PRICKLE2: variants seen among roughly 807,000 people sequenced by gnomAD.
The protein encoded by PRICKLE2 is prickle-like protein 2.
PRICKLE2 carries 21 observed loss-of-function variants against 81.4 expected under a neutral mutation model. The ratio of observed to expected loss-of-function variants is 0.26; its 90% confidence interval spans 0.18 to 0.37. PRICKLE2 has a LOEUF of 0.37. Ranked by LOEUF, PRICKLE2 falls within the 10% of genes least tolerant of loss-of-function variation. PRICKLE2 has a pLI of 1.00. For missense variants in PRICKLE2, 940 were observed against 1,109.0 expected, an observed-to-expected ratio of 0.85 and a Z score of 2.16; for synonymous variants, 456 against 421.5, an observed-to-expected ratio of 1.08 and a Z score of -1.00.
rs546789345 is a variant in PRICKLE2, at chr3:64,152,697, C to T, written c.787+485G>A. On this transcript the variant is annotated intron_variant, in intron 6 of 7. Transcript: ENST00000638394. ...ATGGAAGATATCTGTTTAGATTTTC[C>T]TTCTGAGCTTCCCCCACTGCCCTGA... Among the ~76,000 whole-genome samples, 11 of 152,188 alleles carry T rather than the reference C, an allele frequency of 7.2e-5. 1 individual carries two copies. In the South Asian group the frequency reaches 2.3e-3, roughly 32 times the overall value.
chr3:64,133,344 C>G (rs145356775), intron 7 of PRICKLE2, among the ~76,000 whole-genome samples: 1 of 152,014 alleles, frequency 6.6e-6, no homozygotes, highest in Non-Finnish European at 1.5e-5. Flanking sequence ...AGGCCGGGTT[C>G]GAATTTTTCT....
At chr3:64,229,273 C>G (rs1463726145), upstream of PRICKLE2, among the ~76,000 whole-genome samples, 1 of 152,148 alleles carries the variant, frequency 6.6e-6, no homozygotes, top group African/African-American at 2.4e-5. Context: ...TTCTAGCCAG[C>G]TTTAGGCAGC....
intron 7 of PRICKLE2, among the ~76,000 whole-genome samples, chr3:64,133,621 G>A (rs1220491539): frequency 1.3e-5 from 2 of 152,176 alleles, no homozygotes; most frequent in African/African-American, 4.8e-5. Context: ...CAGGAAGGCT[G>A]AGCTCTGTGA....
chr3:64,189,392 G>T (rs575150443), intron 2 of PRICKLE2, among the ~76,000 whole-genome samples: 1 of 152,270 alleles, frequency 6.6e-6, no homozygotes, highest in Admixed American at 6.5e-5. Context: ...GACTCATGCT[G>T]TTCCCCTCCT....
intron 7 of PRICKLE2, chr3:64,106,174 C>T (rs533236393): frequency 6.6e-6 from 1 of 152,290 alleles, no homozygotes; most frequent in Admixed American, 6.5e-5. Flanking sequence ...ATTTACAACT[C>T]ATACTGATGA....
chr3:64,094,483 A>G lies in PRICKLE2; in HGVS notation c.*4568T>C, dbSNP rs1478666207. On this transcript the variant is annotated 3_prime_UTR_variant, in exon 8 of 8. Transcript: ENST00000638394. The stretch of plus-strand genomic sequence containing the variant: ...GGATTCATCGTATTCAAAACACAGG[A>G]ATGTTTTCCTAACACTATGTGACTT... 6.6e-6 allele frequency: 1 copy of G among 152,202 alleles called. No homozygotes were observed. The highest frequency in any genetic ancestry group is 6.5e-5 in the Admixed American group (1 of 15,280). The allele number at this position is 152,202 out of a possible 1,614,324, so 9.4% of individuals were successfully genotyped here.
At chr3:64,198,068 C>T (rs762884324) in intron 2 of PRICKLE2, among the ~76,000 whole-genome samples, 5 of 151,524 alleles carry the variant, frequency 3.3e-5, no homozygotes, top group South Asian at 2.1e-4. Context: ...GAAAATTAGC[C>T]AGGGGTGGTG....
At chr3:64,212,955 G>T (rs1016706749) in intron 1 of PRICKLE2, among the ~76,000 whole-genome samples, 1 of 151,978 alleles carries the variant, frequency 6.6e-6, no homozygotes, top group Non-Finnish European at 1.5e-5. Flanking sequence ...CAAATCCTTA[G>T]TGTACACTTA....
intron 1 of PRICKLE2, among the ~76,000 whole-genome samples, chr3:64,212,782 T>C (rs1256316543): frequency 1.3e-5 from 2 of 152,186 alleles, no homozygotes; most frequent in Admixed American, 6.5e-5. Context: ...GGTCCTACCC[T>C]ATGTCTAGGG....
intron 2 of PRICKLE2, among the ~76,000 whole-genome samples, chr3:64,184,855 AAAG>A (rs1253428680): frequency 1.3e-5 from 2 of 152,194 alleles, no homozygotes; most frequent in Non-Finnish European, 2.9e-5. Flanking sequence ...ATGGGGCACA[AAAG>A]AAGATGGATG....
intron 2 of PRICKLE2, among the ~76,000 whole-genome samples, chr3:64,235,812 G>A (rs1160102823): frequency 6.6e-6 from 1 of 152,280 alleles, no homozygotes; most frequent in Non-Finnish European, 1.5e-5. Flanking sequence ...AGTCTTTGAG[G>A]CTGCCCCTCC....
intron 1 of PRICKLE2, among the ~76,000 whole-genome samples, chr3:64,205,133 T>C (rs1436735331): frequency 6.6e-6 from 1 of 151,382 alleles, no homozygotes; most frequent in Non-Finnish European, 1.5e-5. Context: ...AAGGGTGCAT[T>C]GGCTTCATTC....
At chr3:64,133,590 G>C (rs543940831) in intron 7 of PRICKLE2, among the ~76,000 whole-genome samples, 52 of 152,102 alleles carry the variant, frequency 3.4e-4, no homozygotes, top group Admixed American at 7.9e-4. Context: ...ATACTGGGGT[G>C]GGGGGCCAGG....
rs1261598603 is a variant in PRICKLE2, at chr3:64,093,699, C to A, written c.*5352G>T. ...CCGAGAATTAACTAGCACAAGACGTCAATATTGCTGAGGCTTAGAAACCCT... is the reference window on the plus strand; with the variant it reads ...CCGAGAATTAACTAGCACAAGACGTAAATATTGCTGAGGCTTAGAAACCCT... On this transcript the variant is annotated 3_prime_UTR_variant, in exon 8 of 8. Coordinates refer to ENST00000638394, the MANE Select transcript of PRICKLE2 (RefSeq NM_198859.4). 6.6e-6 allele frequency: 1 copy of A among 152,068 alleles called. No individual in the cohort carries two copies. The highest frequency in any genetic ancestry group is 1.5e-5 in the Non-Finnish European group (1 of 68,028). 9.4% of individuals were successfully genotyped at this position (152,068 alleles called of 1,614,324 possible).
At chr3:64,250,440 C>CAG (rs1461385443) in intron 2 of PRICKLE2, among the ~76,000 whole-genome samples, 1 of 152,142 alleles carries the variant, frequency 6.6e-6, no homozygotes, top group Non-Finnish European at 1.5e-5. Context: ...TGGGCTGTTG[C>CAG]AGAGGCCAGG....
chr3:64,267,703 T>C (rs1433605318), intron 2 of PRICKLE2, among the ~76,000 whole-genome samples: 1 of 152,206 alleles, frequency 6.6e-6, no homozygotes, highest in African/African-American at 2.4e-5. Context: ...GAAAGGTGGC[T>C]GACACTCAGA....
chr3:64,101,637 A>T (rs2076664308), intron 7 of PRICKLE2: 1 of 152,236 alleles, frequency 6.6e-6, no homozygotes, highest in Non-Finnish European at 1.5e-5. Flanking sequence ...ATAAAAACAT[A>T]AATAAATACA....
rs1195316890 is a variant in PRICKLE2 at position 64,225,043 on chromosome 3, A to T, written c.-174T>A. ...AAGCAGGACCTCAGGCAGCCAAAGC[A>T]TCTTCTCCTCAAACCCCCTTTTCAG... On this transcript the variant is annotated 5_prime_UTR_variant, in exon 1 of 8. An upstream start codon of the reference 5' UTR is lost. Coordinates refer to ENST00000638394, the MANE Select transcript of PRICKLE2 (RefSeq NM_198859.4). 1.0e-6 allele frequency: 1 copy of T among 985,350 alleles called. No individual in the cohort carries two copies. The highest frequency in any genetic ancestry group is 1.2e-6 in the Non-Finnish European group (1 of 830,086). 61.0% of individuals were successfully genotyped at this position (985,350 alleles called of 1,614,324 possible). A position where few individuals can be genotyped will look rare whatever the true frequency, so the allele number is the denominator to read the frequency against.
At chr3:64,141,452 A>G (rs1281045651) in intron 7 of PRICKLE2, among the ~76,000 whole-genome samples, 1 of 152,230 alleles carries the variant, frequency 6.6e-6, no homozygotes, top group African/African-American at 2.4e-5. Context: ...ATAAACACTC[A>G]ATAATGTCAG....
Sources: allele counts gnomAD v4.1 joint callset (sites outside exome capture counted in the v4.1 genomes callset), GRCh38; gene constraint gnomAD v4.1.1; transcripts MANE v1.5; gene names NCBI Gene and HGNC (gene_info 2026-07-23, HGNC 2026-07-21).